Variants in CDH9 observed in about 807,000 individuals in gnomAD.
CDH9 encodes cadherin-9.
Under a neutral mutation model 70.9 loss-of-function variants are expected in CDH9, and 28 were observed. That is an observed-to-expected ratio of 0.40 (90% CI 0.29 to 0.54). The LOEUF (loss-of-function observed/expected upper bound fraction) is 0.54. Among genes scored for constraint, CDH9 ranks in the 20% least tolerant of loss-of-function variants. CDH9 has a pLI of 0.59. For missense variants in CDH9, 874 were observed against 984.4 expected (o/e 0.89, Z 1.50); for synonymous variants, 409 against 343.1 (o/e 1.19, Z -2.12).
At chr5:26,997,103 TGATATGTA>T (rs1742678754) in intron 1 of CDH9, among the ~76,000 whole-genome samples, 1 of 152,072 alleles carries the variant, frequency 6.6e-6, no homozygotes, top group Non-Finnish European at 1.5e-5. Context: ...TTATAAAATA[TGATATGTA>T]TAGAATATAT....
chr5:26,885,478 G>A (rs769131416), intron 11 of CDH9, 136 bp downstream of exon 11: 75 of 795,256 alleles, frequency 9.4e-5, no homozygotes, highest in Non-Finnish European at 1.5e-4. Flanking sequence ...TTTCCTAATT[G>A]AAAGAAGAAT....
At chr5:26,982,516 A>G (rs1279635736) in intron 2 of CDH9, among the ~76,000 whole-genome samples, 3 of 152,126 alleles carry the variant, frequency 2.0e-5, no homozygotes, top group Non-Finnish European at 4.4e-5. Context: ...AAGAATAAAG[A>G]TTTTTAAAAT....
chr5:27,004,935 TA>T (rs79983593), intron 1 of CDH9, among the ~76,000 whole-genome samples: 71,293 of 151,652 alleles, frequency 0.47, 17,598 homozygotes, highest in African/African-American at 0.51. Flanking sequence ...TTACATTAAA[TA>T]AAAAACAATA....
rs1740901958 is a variant in CDH9 at position 26,903,919 on chromosome 5, TAGGG to T, written c.812-99_812-96del. On this transcript the variant is annotated intron_variant, in intron 5 of 11. Coordinates refer to ENST00000231021, the MANE Select transcript of CDH9 (RefSeq NM_016279.4). The stretch of plus-strand genomic sequence containing the variant: ...TTAACTTAAATACATTAATTTTAAA[TAGGG>T]AGAGTTTTTATCATATTGAATTGTA... The T allele has an allele frequency of 2.3e-5, 15 of 644,454 alleles. No individual in the cohort carries two copies. The East Asian group carries it at 4.6e-4, about 20-fold the overall frequency. The allele number at this position is 644,454 out of a possible 1,614,324, so 39.9% of individuals were successfully genotyped here. A position where few individuals can be genotyped will look rare whatever the true frequency, so the allele number is the denominator to read the frequency against.
At chr5:26,887,795 G>C (rs1045048874) in intron 9 of CDH9, among the ~76,000 whole-genome samples, 2 of 152,084 alleles carry the variant, frequency 1.3e-5, no homozygotes, top group Non-Finnish European at 2.9e-5. Context: ...AACAGATACA[G>C]GAAGAATGCC....
In CDH9 at chr5:26,891,237, G is replaced by A. The variant is rs188924887; in HGVS notation, c.1254-673C>T. On this transcript the variant is annotated intron_variant, in intron 7 of 11. Transcript: ENST00000231021. ...AAATAATATCTCCTCTCCCTAAGAT[G>A]TCTATACCCTAATCCCCAGAACCTG... 4.5e-3 allele frequency among the ~76,000 whole-genome samples: 683 copies of A among 152,278 alleles called. 10 individuals are homozygous for A. Among genetic ancestry groups the A allele is most frequent in the Admixed American group, 0.015 (229 of 15,288 alleles).
At chr5:26,928,381 G>C (rs1741383287) in intron 2 of CDH9, among the ~76,000 whole-genome samples, 4 of 152,062 alleles carry the variant, frequency 2.6e-5, no homozygotes, top group Admixed American at 2.6e-4. Flanking sequence ...TATGTTCATA[G>C]TTTGGAAGGA....
At chr5:26,933,776 C>CAAAAT (rs35458909) in intron 2 of CDH9, among the ~76,000 whole-genome samples, 6,423 of 147,272 alleles carry the variant, frequency 0.044, 203 homozygotes, top group African/African-American at 0.092. Flanking sequence ...AAGACTCCGT[C>CAAAAT]AAAATAAAAT....
At chr5:26,926,226 T>A (rs1307032524) in intron 2 of CDH9, among the ~76,000 whole-genome samples, 2 of 152,166 alleles carry the variant, frequency 1.3e-5, no homozygotes, top group Non-Finnish European at 2.9e-5. Context: ...CTTAAGCCGA[T>A]AAGCAACTTC....
chr5:26,897,235 A>G (rs928878615), intron 7 of CDH9, among the ~76,000 whole-genome samples: 4 of 152,146 alleles, frequency 2.6e-5, no homozygotes, highest in Non-Finnish European at 4.4e-5. Flanking sequence ...AAATTTTACC[A>G]GAGATACATA....
chr5:26,925,188 T>C (rs1480447202), intron 2 of CDH9, among the ~76,000 whole-genome samples: 1 of 152,168 alleles, frequency 6.6e-6, no homozygotes, highest in African/African-American at 2.4e-5. Flanking sequence ...AGCGTTCCTA[T>C]TTCTCCACAT....
chr5:26,936,113 G>C (rs112019240), intron 2 of CDH9, among the ~76,000 whole-genome samples: 7,941 of 151,442 alleles, frequency 0.052, 348 homozygotes, highest in African/African-American at 0.12. Context: ...GAGTGGGGGG[G>C]TGAGAGAAAA....
chr5:26,892,915 A>G (rs1326183589), intron 7 of CDH9, among the ~76,000 whole-genome samples: 1 of 151,706 alleles, frequency 6.6e-6, no homozygotes, highest in African/African-American at 2.4e-5. Flanking sequence ...TTGTATTTTT[A>G]GTAGAGACAG....
Position 26,885,997 on chromosome 5 carries a change from G to T in CDH9, c.1599C>A (p.Leu533=), listed in dbSNP as rs1483440319. The change falls in exon 10 of 12, where the codon CTC becomes CTA. Residue 533 remains leucine (L), a synonymous_variant. Coordinates refer to ENST00000231021, the MANE Select transcript of CDH9 (RefSeq NM_016279.4). ...TATCTACAATGGTGAAATTCGGATTGAGAGTAAATTCTGGCACTGGTTCAA... is the reference window on the plus strand; with the variant it reads ...TATCTACAATGGTGAAATTCGGATTTAGAGTAAATTCTGGCACTGGTTCAA... The part of the protein sequence containing the change: ...FFFEPVPEFT[L]NPNFTIVDNK... 1 of 1,611,562 alleles carries T rather than the reference G, an allele frequency of 6.2e-7. No homozygotes were observed. Among genetic ancestry groups the T allele is most frequent in the East Asian group, 2.2e-5 (1 of 44,848 alleles).
At chr5:26,947,690 C>G (rs115171159) in intron 2 of CDH9, among the ~76,000 whole-genome samples, 6 of 152,158 alleles carry the variant, frequency 3.9e-5, no homozygotes, top group Admixed American at 1.3e-4. Context: ...AGCTCTATTA[C>G]GAAGAAATGC....
Position 26,993,375 on chromosome 5 carries a change from C to T in CDH9, c.-49-4993G>A, listed in dbSNP as rs182050950. Among the ~76,000 whole-genome samples, 805 of 152,194 alleles carry T rather than the reference C, an allele frequency of 5.3e-3. 7 individuals are homozygous for T. The highest frequency in any genetic ancestry group is 0.019 in the African/African-American group (772 of 41,520). ...GAAAATTGTTGAAGGAGCATATTGG[C>T]TTCTCTTTATAGTAAAATGTGAGAC... On this transcript the variant is annotated intron_variant, in intron 1 of 11. Transcript: ENST00000231021.
At chr5:27,005,245 A>G (rs1195939543) in intron 1 of CDH9, among the ~76,000 whole-genome samples, 1 of 152,160 alleles carries the variant, frequency 6.6e-6, no homozygotes, top group African/African-American at 2.4e-5. Context: ...CTCAAATTCT[A>G]GAAAGTTTCT....
At chr5:26,982,204 G>GGA (rs1218173628) in intron 2 of CDH9, among the ~76,000 whole-genome samples, 3 of 144,684 alleles carry the variant, frequency 2.1e-5, no homozygotes, top group Non-Finnish European at 1.5e-5. Context: ...AAGATGAGTT[G>GGA]GAATATTAGA....
At chr5:26,967,409 C>T (rs867500340) in intron 2 of CDH9, among the ~76,000 whole-genome samples, 12 of 152,126 alleles carry the variant, frequency 7.9e-5, no homozygotes, top group South Asian at 2.1e-4. Flanking sequence ...TGGACTTCTG[C>T]CTGGATTACT....
Sources: allele counts gnomAD v4.1 joint callset (sites outside exome capture counted in the v4.1 genomes callset), GRCh38; gene constraint gnomAD v4.1.1; transcripts MANE v1.5; gene names NCBI Gene and HGNC (gene_info 2026-07-23, HGNC 2026-07-21).